Variants in CCDC91 observed in about 807,000 individuals in gnomAD.
CCDC91 encodes coiled-coil domain containing 91, also known as coiled-coil domain-containing protein 91.
CCDC91 carries 48 observed loss-of-function variants against 63.2 expected under a neutral mutation model. The observed-to-expected ratio is 0.76, with a 90% confidence interval of 0.60 to 0.97. The LOEUF is 0.97. CCDC91 is among the 50% of genes least tolerant of loss of function. CCDC91 has a pLI of 0.00. For synonymous variants in CCDC91, 167 were observed against 165.8 expected (o/e 1.01, Z -0.06); for missense variants, 500 against 494.6 (o/e 1.01, Z -0.10).
chr12:28,506,811 C>T (rs1938776745), intron 12 of CCDC91, among the ~76,000 whole-genome samples: 1 of 151,216 alleles, frequency 6.6e-6, no homozygotes, highest in South Asian at 2.1e-4. Context: ...CTTGACAGAG[C>T]TGTGTATTAG....
intron 6 of CCDC91, among the ~76,000 whole-genome samples, chr12:28,359,530 C>T (rs1943739351): frequency 6.6e-6 from 1 of 152,024 alleles, no homozygotes; most frequent in South Asian, 2.1e-4. Flanking sequence ...TTTAAAAAAT[C>T]CTGATTTTAG....
At chr12:28,221,086 A>AT (rs1943907913) in intron 1 of CCDC91, among the ~76,000 whole-genome samples, 1 of 151,698 alleles carries the variant, frequency 6.6e-6, no homozygotes, top group South Asian at 2.1e-4. Context: ...GAAATTATCC[A>AT]TTTTTTCTCA....
chr12:28,273,889 G>A (rs1434805463), intron 3 of CCDC91, among the ~76,000 whole-genome samples: 10 of 151,940 alleles, frequency 6.6e-5, no homozygotes, highest in African/African-American at 1.2e-4. Context: ...CATTGCTTTC[G>A]GTGTTTTTGA....
intron 12 of CCDC91, among the ~76,000 whole-genome samples, chr12:28,491,861 T>TG (rs1952021940): frequency 3.4e-5 from 5 of 145,144 alleles, no homozygotes; most frequent in Admixed American, 2.8e-4. Context: ...GTCAAAAATT[T>TG]TGTGTGTGTG....
chr12:28,406,692 C>T (rs1384517270), intron 8 of CCDC91, among the ~76,000 whole-genome samples: 2 of 152,118 alleles, frequency 1.3e-5, no homozygotes, highest in Admixed American at 6.5e-5. Context: ...AAACCATTGC[C>T]TAACTCAATA....
chr12:28,382,629 G>A (rs1945364126), intron 7 of CCDC91, among the ~76,000 whole-genome samples: 1 of 152,058 alleles, frequency 6.6e-6, no homozygotes, highest in South Asian at 2.1e-4. Context: ...GTAAATAAAA[G>A]CCACATCATT....
intron 3 of CCDC91, among the ~76,000 whole-genome samples, chr12:28,260,141 T>C (rs1187690295): frequency 6.6e-6 from 1 of 152,056 alleles, no homozygotes; most frequent in Admixed American, 6.6e-5. Flanking sequence ...AGTCCTTTAC[T>C]TCAAGGGTAG....
intron 12 of CCDC91, among the ~76,000 whole-genome samples, chr12:28,546,157 G>A (rs1942975700): frequency 1.3e-5 from 2 of 151,980 alleles, no homozygotes; most frequent in Admixed American, 1.3e-4. Context: ...ACTATCCTCA[G>A]TTCAGTTTTT....
chr12:28,265,741 A>G (rs1229176853), intron 3 of CCDC91, among the ~76,000 whole-genome samples: 1 of 152,062 alleles, frequency 6.6e-6, no homozygotes, highest in African/African-American at 2.4e-5. Flanking sequence ...ATTAATCTGT[A>G]GTTTGTACCT....
intron 11 of CCDC91, among the ~76,000 whole-genome samples, chr12:28,453,713 A>G (rs1452689086): frequency 2.0e-5 from 3 of 152,040 alleles, no homozygotes; most frequent in Non-Finnish European, 2.9e-5. Flanking sequence ...ATCAATAAAT[A>G]TATATTGAGT....
At position 28,244,809 on chromosome 12, in the gene CCDC91, G is replaced by A. The variant is rs567652180; in HGVS notation, c.-14-12393G>A. Among the ~76,000 whole-genome samples the A allele has an allele frequency of 1.2e-3, 183 of 151,294 alleles. 2 individuals are homozygous for A. Among genetic ancestry groups the A allele is most frequent in the African/African-American group, 4.3e-3 (176 of 41,240 alleles). On this transcript the variant is annotated intron_variant, in intron 1 of 12. Coordinates refer to ENST00000536442, the MANE Select transcript of CCDC91 (RefSeq NM_018318.5). ...CAAGAGCAAAAGACAGAAGCACATT[G>A]CAGTGAGCTGAGATTGCGCCATTGC... is the stretch of plus-strand genomic sequence containing the variant.
intron 1 of CCDC91, among the ~76,000 whole-genome samples, chr12:28,252,235 C>T (rs1326735617): frequency 6.6e-6 from 1 of 151,986 alleles, no homozygotes; most frequent in East Asian, 1.9e-4. Context: ...CTCTACTGTG[C>T]CTTGCTGTGG....
chr12:28,284,856 C>G (rs1369200638), intron 3 of CCDC91, among the ~76,000 whole-genome samples: 4 of 152,126 alleles, frequency 2.6e-5, no homozygotes, highest in African/African-American at 9.7e-5. Flanking sequence ...AGTCGTTGGA[C>G]TACCACCTGT....
At chr12:28,517,494 AAGCTAC>A (rs1940081159) in intron 12 of CCDC91, among the ~76,000 whole-genome samples, 1 of 151,970 alleles carries the variant, frequency 6.6e-6, no homozygotes, top group Non-Finnish European at 1.5e-5. Context: ...ACTGCCCTTT[AAGCTAC>A]TAAACAATGT....
At chr12:28,419,447 T>C (rs1376781583) in intron 8 of CCDC91, among the ~76,000 whole-genome samples, 5 of 152,120 alleles carry the variant, frequency 3.3e-5, no homozygotes, top group South Asian at 4.1e-4. Context: ...ATAAGAGTCA[T>C]AAAAAATGAC....
chr12:28,542,741 G>A (rs986204822), intron 12 of CCDC91, among the ~76,000 whole-genome samples: 8 of 152,020 alleles, frequency 5.3e-5, no homozygotes, highest in Non-Finnish European at 8.8e-5. Flanking sequence ...CATAGAAAGT[G>A]AACATTTTTA....
intron 6 of CCDC91, among the ~76,000 whole-genome samples, chr12:28,345,531 T>C (rs1942748503): frequency 1.3e-5 from 2 of 152,120 alleles, no homozygotes; most frequent in Admixed American, 6.6e-5. Flanking sequence ...CTACACTTAC[T>C]GCAGTGTAAG....
chr12:28,268,750 A>G (rs1284342278), intron 3 of CCDC91: 3 of 798,612 alleles, frequency 3.8e-6, no homozygotes, highest in Non-Finnish European at 4.5e-6. Flanking sequence ...AGGAGGGAGT[A>G]GATTTTACCT....
intron 8 of CCDC91, among the ~76,000 whole-genome samples, chr12:28,402,549 AC>A (rs1946694491): frequency 6.0e-5 from 2 of 33,390 alleles, no homozygotes; most frequent in Non-Finnish European, 6.1e-5. Context: ...TTTTTTGTCT[AC>A]TCTTTGGATT....
Sources: gnomAD v4.1 joint callset for allele counts (sites outside exome capture counted in the v4.1 genomes callset) on GRCh38, gnomAD v4.1.1 for gene constraint, MANE v1.5 for transcripts, NCBI Gene and HGNC (gene_info 2026-07-23, HGNC 2026-07-21) for gene names.